Variants in RORA observed in about 807,000 individuals in gnomAD.
RORA encodes RAR related orphan receptor A.
Under a neutral mutation model 69.5 loss-of-function variants are expected in RORA, and 7 were observed. That is an observed-to-expected ratio of 0.10 (90% CI 0.06 to 0.19). The LOEUF (loss-of-function observed/expected upper bound fraction) is 0.19. Among genes scored for constraint, RORA ranks in the 10% least tolerant of loss-of-function variants. The probability of loss-of-function intolerance (pLI) is 1.00; values close to 1 mark genes in which losing one functional copy is unlikely to be tolerated. For synonymous variants in RORA, 261 were observed against 240.8 expected, an observed-to-expected ratio of 1.08 and a Z score of -0.78; for missense variants, 457 against 663.0, an observed-to-expected ratio of 0.69 and a Z score of 3.41.
At chr15:60,816,897 C>A (rs1032360168) in intron 1 of RORA, among the ~76,000 whole-genome samples, 2 of 152,070 alleles carry the variant, frequency 1.3e-5, no homozygotes, top group Non-Finnish European at 1.5e-5. Context: ...TATATGTAGT[C>A]ACATTTTCTG....
At chr15:60,640,220 T>C (rs2069918602) in intron 2 of RORA, among the ~76,000 whole-genome samples, 2 of 152,304 alleles carry the variant, frequency 1.3e-5, no homozygotes, top group South Asian at 4.1e-4. Flanking sequence ...GCCCTTCCCC[T>C]TCTCCCCTTT....
intron 1 of RORA, 39 bp downstream of exon 1, chr15:61,229,014 T>C (rs1424883892): frequency 3.4e-5 from 41 of 1,218,570 alleles, no homozygotes; most frequent in Non-Finnish European, 4.0e-5. Flanking sequence ...GCGCCCGGGC[T>C]CCCGCCGCCC....
chr15:60,859,052 C>T (rs1422032677), intron 1 of RORA, among the ~76,000 whole-genome samples: 6 of 151,284 alleles, frequency 4.0e-5, no homozygotes, highest in African/African-American at 1.5e-4. Flanking sequence ...CACAGAAAGA[C>T]GTTGAGCTTA....
intron 1 of RORA, among the ~76,000 whole-genome samples, chr15:61,115,226 G>C (rs2079040565): frequency 6.6e-6 from 1 of 151,980 alleles, no homozygotes; most frequent in Non-Finnish European, 1.5e-5. Flanking sequence ...CCTTTAATTT[G>C]GCTGCCTTTA....
At chr15:61,067,028 G>A (rs1467198282) in intron 1 of RORA, among the ~76,000 whole-genome samples, 2 of 151,698 alleles carry the variant, frequency 1.3e-5, no homozygotes, top group African/African-American at 4.8e-5. Context: ...AGAGGTTAAA[G>A]ATTTAGCCCA....
chr15:60,831,647 A>G (rs1006317172), intron 1 of RORA, among the ~76,000 whole-genome samples: 6 of 152,142 alleles, frequency 3.9e-5, no homozygotes, highest in African/African-American at 1.2e-4. Context: ...GAGTTGAGGG[A>G]GAGAGACACC....
chr15:60,610,000 T>C (rs1278306557), intron 2 of RORA, among the ~76,000 whole-genome samples: 7 of 152,080 alleles, frequency 4.6e-5, no homozygotes, highest in Admixed American at 3.9e-4. Flanking sequence ...CATGCTAAAA[T>C]TGCAGCTCGA....
At position 60,497,541 on chromosome 15, in the gene RORA, G is replaced by A. The variant is rs950556282; in HGVS notation, c.1486C>T (p.Pro496Ser). 6 of 1,613,298 alleles carry A rather than the reference G, an allele frequency of 3.7e-6. No homozygotes were observed. Among genetic ancestry groups the A allele is most frequent in the Non-Finnish European group, 5.1e-6 (6 of 1,179,336 alleles). The change falls in exon 11 of 11, where the codon CCA becomes TCA. Residue 496 changes from proline to serine, a missense_variant. This residue lies in a region of RORA where 304 missense variants were observed against 447.4 expected (regional missense o/e 0.68). Coordinates refer to ENST00000335670, the MANE Select transcript of RORA (RefSeq NM_134261.3). ...GGAAAATGAAGTCGCACAATGTCTG[G>A]GTATATTGCTTTAAATGCCATTAGC... ...EKLMAFKAIY[P>S]DIVRLHFPPL... is the part of the protein sequence containing the mutation.
intron 1 of RORA, among the ~76,000 whole-genome samples, chr15:60,934,010 G>T (rs1233315823): frequency 6.6e-6 from 1 of 152,208 alleles, no homozygotes; most frequent in Non-Finnish European, 1.5e-5. Context: ...GTTCGGTAAA[G>T]AAACACCTAC....
chr15:60,935,893 A>G (rs1238605104), intron 1 of RORA, among the ~76,000 whole-genome samples: 2 of 152,206 alleles, frequency 1.3e-5, no homozygotes, highest in African/African-American at 4.8e-5. Flanking sequence ...CCCTTTTTAG[A>G]GAACATTCTT....
At chr15:61,096,581 T>G (rs559737155) in intron 1 of RORA, among the ~76,000 whole-genome samples, 3 of 152,324 alleles carry the variant, frequency 2.0e-5, no homozygotes, top group African/African-American at 7.2e-5. Flanking sequence ...AGAGAGGTTA[T>G]AATCCCCATT....
At chr15:60,642,073 C>T (rs1047672066) in intron 2 of RORA, among the ~76,000 whole-genome samples, 6 of 152,122 alleles carry the variant, frequency 3.9e-5, no homozygotes, top group Non-Finnish European at 8.8e-5. Context: ...AAAGAAGTGG[C>T]TCAGGTGAGC....
intron 2 of RORA, among the ~76,000 whole-genome samples, chr15:60,614,339 T>G (rs180387): frequency 0.011 from 1,663 of 152,180 alleles, 38 homozygotes; most frequent in African/African-American, 0.038. Context: ...GGCCATCAGC[T>G]GAGGGGAGCA....
intron 1 of RORA, among the ~76,000 whole-genome samples, chr15:60,892,862 C>T (rs1378567082): frequency 2.0e-5 from 3 of 152,194 alleles, no homozygotes; most frequent in Non-Finnish European, 4.4e-5. Flanking sequence ...AAGAAGTTGT[C>T]GCATTACCAT....
At position 60,511,741 on chromosome 15, in the gene RORA, C is replaced by T. The variant is rs2065705668; in HGVS notation, c.425-120G>A. 3.4e-5 allele frequency: 36 copies of T among 1,055,108 alleles called. No individual in the cohort carries two copies. The highest frequency in any genetic ancestry group is 4.8e-5 in the Non-Finnish European group (36 of 746,812). The allele number at this position is 1,055,108 out of a possible 1,614,324, so 65.4% of individuals were successfully genotyped here. On this transcript the variant is annotated intron_variant, in intron 4 of 10. Coordinates refer to ENST00000335670, the MANE Select transcript of RORA (RefSeq NM_134261.3). The surrounding 1 kb of genome is among the most constrained non-coding windows in gnomAD (Gnocchi z 6.4). ...ATCTCAATCCAAAACTGCATGACCA[C>T]AAAATAAGGACATATTCAGAGGTGA...
chr15:60,709,801 A>T (rs2071117840), intron 1 of RORA, among the ~76,000 whole-genome samples: 1 of 152,102 alleles, frequency 6.6e-6, no homozygotes. Flanking sequence ...AATAAAGTAC[A>T]CAATAAATAT....
intron 1 of RORA, among the ~76,000 whole-genome samples, chr15:61,148,916 C>A (rs140794477): frequency 1.2e-3 from 178 of 152,288 alleles, no homozygotes; most frequent in African/African-American, 4.2e-3. Context: ...AGCGTGTGGA[C>A]TGCAGAAGGG....
rs1162120788 is a variant in RORA at position 61,038,398 on chromosome 15, C to T, written c.166+190655G>A. Among the ~76,000 whole-genome samples, 5 of 152,126 alleles carry T rather than the reference C, an allele frequency of 3.3e-5. 1 individual carries two copies. The highest frequency in any genetic ancestry group is 4.1e-4 in the South Asian group (2 of 4,822). On this transcript the variant is annotated intron_variant, in intron 1 of 10. Coordinates refer to ENST00000335670, the MANE Select transcript of RORA (RefSeq NM_134261.3). ...AAAACATTGCATCCACAAACACTTGCTATAGCAGGTTATGGTCTCCATGGA... is the reference window on the plus strand; with the variant it reads ...AAAACATTGCATCCACAAACACTTGTTATAGCAGGTTATGGTCTCCATGGA...
rs75662559 is a variant in RORA, at chr15:60,626,013, C to T, written c.196+52644G>A. Among the ~76,000 whole-genome samples, 1,190 of 152,332 alleles carry T rather than the reference C, an allele frequency of 7.8e-3. 21 individuals are homozygous for T. The highest frequency in any genetic ancestry group is 0.027 in the African/African-American group (1,130 of 41,570). Reference sequence around the variant, plus strand: ...ACAAGTTGTGTCTTCAGAGCTCCCACGTTCTTCCTTCCTCAGCAGGGACAG... The same window carrying T: ...ACAAGTTGTGTCTTCAGAGCTCCCATGTTCTTCCTTCCTCAGCAGGGACAG... On this transcript the variant is annotated intron_variant, in intron 2 of 10. Coordinates refer to ENST00000335670, the MANE Select transcript of RORA (RefSeq NM_134261.3).
Sources: allele counts gnomAD v4.1 joint callset (sites outside exome capture counted in the v4.1 genomes callset), GRCh38; gene constraint gnomAD v4.1.1; regional missense constraint gnomAD v4.1.1; non-coding constraint Gnocchi (gnomAD v3.1); transcripts MANE v1.5; gene names NCBI Gene and HGNC (gene_info 2026-07-23, HGNC 2026-07-21).